Variants in ZMAT3 observed in about 807,000 individuals in gnomAD.
The protein encoded by ZMAT3 is zinc finger matrin-type protein 3.
A neutral mutation model predicts 32.3 loss-of-function variants in ZMAT3; 17 were observed. That is an observed-to-expected ratio of 0.53 (90% confidence interval 0.36 to 0.79). The LOEUF (loss-of-function observed/expected upper bound fraction) is 0.79. Among genes scored for constraint, ZMAT3 ranks in the 30% least tolerant of loss-of-function variants. The pLI is 0.00. For missense variants in ZMAT3, 329 were observed against 359.7 expected, an observed-to-expected ratio of 0.91 and a Z score of 0.69; for synonymous variants, 120 against 133.1, an observed-to-expected ratio of 0.90 and a Z score of 0.68.
At chr3:179,038,167 G>T (rs748060590) in intron 2 of ZMAT3, among the ~76,000 whole-genome samples, 3 of 152,212 alleles carry the variant, frequency 2.0e-5, no homozygotes, top group Non-Finnish European at 4.4e-5. Context: ...AGACCCACTT[G>T]CTGTGTTAAG....
chr3:179,032,018 C>T (rs866728485), intron 2 of ZMAT3, among the ~76,000 whole-genome samples: 28 of 29,312 alleles, frequency 9.6e-4, no homozygotes, highest in East Asian at 1.1e-3. Context: ...CCTCCTCCTC[C>T]CCCTCCCCCT....
rs1232846996 is a variant in ZMAT3 at position 179,023,689 on chromosome 3, A to AATATAT, written c.*1322_*1327dup. On this transcript the variant is annotated 3_prime_UTR_variant, in exon 6 of 6. Transcript: ENST00000311417. ...CTTTGTTTCCTAAAAACTGCTGGAA[A>AATATAT]ATATATCTATATATATATATATTTT... is the stretch of plus-strand genomic sequence containing the variant. 4.1e-3 allele frequency: 175 copies of AATATAT among 42,238 alleles called. 34 individuals are homozygous for AATATAT. Among genetic ancestry groups the AATATAT allele is most frequent in the East Asian group, 0.035 (32 of 914 alleles). 2.6% of individuals were successfully genotyped at this position (42,238 alleles called of 1,614,324 possible). A position where few individuals can be genotyped will look rare whatever the true frequency, so the allele number is the denominator to read the frequency against.
At chr3:179,039,290 G>A (rs924556625) in intron 2 of ZMAT3, among the ~76,000 whole-genome samples, 2 of 152,198 alleles carry the variant, frequency 1.3e-5, no homozygotes, top group African/African-American at 2.4e-5. Context: ...TAGCCTAACT[G>A]GGAGACACGT....
chr3:179,044,528 C>A (rs1036375508), intron 2 of ZMAT3, among the ~76,000 whole-genome samples: 1 of 152,072 alleles, frequency 6.6e-6, no homozygotes, highest in African/African-American at 2.4e-5. Context: ...CTTGTAGTCC[C>A]AGCTACTTGG....
intron 1 of ZMAT3, 80 bp from the exon 2 acceptor site, chr3:179,067,889 T>C: frequency 7.6e-7 from 1 of 1,307,944 alleles, no homozygotes; most frequent in Non-Finnish European, 1.0e-6. Flanking sequence ...AATGACAACA[T>C]AATCTGACCC....
intron 2 of ZMAT3, among the ~76,000 whole-genome samples, chr3:179,042,381 C>G (rs1011672526): frequency 6.6e-6 from 1 of 152,182 alleles, no homozygotes; most frequent in Non-Finnish European, 1.5e-5. Context: ...CCACCATGAT[C>G]AGGTCAGCTT....
At position 179,033,521 on chromosome 3, in the gene ZMAT3, G is replaced by C. The variant is rs569652928; in HGVS notation, c.271-2522C>G. 7.9e-5 allele frequency among the ~76,000 whole-genome samples: 10 copies of C among 126,968 alleles called. No individual in the cohort carries two copies. In the South Asian group the frequency reaches 2.0e-3, roughly 25 times the overall value. 83.3% of individuals were successfully genotyped at this position (126,968 alleles called of 152,430 possible). ...TAAAAAAATTTTAAAAAAAAGGAAA[G>C]AAAGAAAAGAAAAGAAAAGAATATG... On this transcript the variant is annotated intron_variant, in intron 2 of 5. Transcript: ENST00000311417.
chr3:179,025,055 G>A lies in ZMAT3; in HGVS notation c.832C>T (p.Arg278Trp), dbSNP rs532278040. 13 of 1,613,986 alleles carry A rather than the reference G, an allele frequency of 8.1e-6. No homozygotes were observed. In the East Asian group the frequency reaches 1.1e-4, roughly 14 times the overall value. The change falls in exon 6 of 6, where the codon CGG (arginine) becomes TGG (tryptophan). Residue 278 changes from arginine (R) to tryptophan (W), a missense_variant. Arg to Trp is a moderately radical substitution (Grantham distance 101, BLOSUM62 -3). Transcript: ENST00000311417. ...AGATTCTCCATCTCATTCCTGTACC[G>A]CTGTTCAGACACCTTGCTCTTATGT... ...KQHKSKVSEQ[R>W]YRNEMENLGY...
chr3:179,067,433 C>T (rs779568048), intron 2 of ZMAT3, 50 bp downstream of exon 2: 1 of 1,591,086 alleles, frequency 6.3e-7, no homozygotes, highest in African/African-American at 1.3e-5. Context: ...ATAGCCAGAG[C>T]CCTGAAATGT....
intron 2 of ZMAT3, among the ~76,000 whole-genome samples, chr3:179,051,089 C>T (rs140040604): frequency 0.014 from 2,100 of 152,248 alleles, 53 homozygotes; most frequent in African/African-American, 0.048. Flanking sequence ...GACAAGGATG[C>T]CCACTTTCAC....
chr3:179,059,325 G>A (rs1052016404), intron 2 of ZMAT3, among the ~76,000 whole-genome samples: 13 of 152,084 alleles, frequency 8.5e-5, no homozygotes, highest in African/African-American at 2.9e-4. Flanking sequence ...GCTAGCCACC[G>A]AAGAAGGAAA....
chr3:179,026,690 A>C (rs2108535080), intron 5 of ZMAT3, among the ~76,000 whole-genome samples: 1 of 152,242 alleles, frequency 6.6e-6, no homozygotes, highest in South Asian at 2.1e-4. Flanking sequence ...CCTGGCCTGA[A>C]TTGTGCTTTC....
chr3:179,064,691 A>C (rs1721317285), intron 2 of ZMAT3, among the ~76,000 whole-genome samples: 1 of 152,162 alleles, frequency 6.6e-6, no homozygotes, highest in African/African-American at 2.4e-5. Context: ...TCAGCCTCCC[A>C]AAGTGCTAGA....
At chr3:179,062,701 C>T (rs1217001319) in intron 2 of ZMAT3, among the ~76,000 whole-genome samples, 2 of 152,184 alleles carry the variant, frequency 1.3e-5, no homozygotes, top group African/African-American at 4.8e-5. Context: ...TGGTTGAAAG[C>T]ATATTTACAT....
intron 2 of ZMAT3, among the ~76,000 whole-genome samples, chr3:179,055,335 C>A (rs1189181395): frequency 2.0e-5 from 3 of 152,186 alleles, no homozygotes; most frequent in Non-Finnish European, 4.4e-5. Flanking sequence ...AGCTAGACCT[C>A]TTCTGTAGAA....
chr3:179,033,507 TA>T (rs542334189), intron 2 of ZMAT3, among the ~76,000 whole-genome samples: 2 of 140,984 alleles, frequency 1.4e-5, no homozygotes, highest in Admixed American at 7.1e-5. Context: ...AAAAAAATTT[TA>T]AAAAAAAGGA....
intron 2 of ZMAT3, among the ~76,000 whole-genome samples, chr3:179,050,922 G>C (rs1312872194): frequency 1.3e-5 from 2 of 152,148 alleles, no homozygotes; most frequent in Non-Finnish European, 2.9e-5. Context: ...AAAAGCATTT[G>C]ACAAAATCTA....
chr3:179,054,620 T>C (rs754931828), intron 2 of ZMAT3, among the ~76,000 whole-genome samples: 5 of 152,212 alleles, frequency 3.3e-5, no homozygotes, highest in Non-Finnish European at 5.9e-5. Context: ...CCTCCCTTTG[T>C]ATGGGAGCTC....
In ZMAT3 at chr3:179,048,950, C is replaced by T. The variant is rs1489275918; in HGVS notation, c.271-17951G>A. Among the ~76,000 whole-genome samples the T allele has an allele frequency of 5.3e-5, 8 of 152,120 alleles. No individual in the cohort carries two copies. The South Asian group carries it at 6.2e-4, about 12-fold the overall frequency. On this transcript the variant is annotated intron_variant, in intron 2 of 5. Coordinates refer to ENST00000311417, the MANE Select transcript of ZMAT3 (RefSeq NM_022470.4). ...GAGACTCGTGATACATAAGGACTCA[C>T]ATAAACTTAAGGTAACAGGGTGAAA...
Sources: allele counts gnomAD v4.1 joint callset (sites outside exome capture counted in the v4.1 genomes callset), GRCh38; gene constraint gnomAD v4.1.1; transcripts MANE v1.5; gene names NCBI Gene and HGNC (gene_info 2026-07-23, HGNC 2026-07-21).